Variants in CELF2 observed in about 807,000 individuals in gnomAD.
The protein encoded by CELF2 is CUG triplet repeat RNA-binding protein 2.
CELF2 carries 8 observed loss-of-function variants against 62.6 expected under a neutral mutation model. That is an observed-to-expected ratio of 0.13 (90% confidence interval 0.07 to 0.23). CELF2 has a LOEUF of 0.23. Ranked by LOEUF, CELF2 falls within the 10% of genes least tolerant of loss-of-function variation. The pLI, the probability that CELF2 is intolerant of heterozygous loss-of-function variation, is 1.00. For synonymous variants in CELF2, 258 were observed against 250.0 expected, an observed-to-expected ratio of 1.03 and a Z score of -0.30; for missense variants, 333 against 671.0, an observed-to-expected ratio of 0.50 and a Z score of 5.56.
intron 1 of CELF2, among the ~76,000 whole-genome samples, chr10:10,890,834 G>A (rs1317955467): frequency 1.3e-5 from 2 of 152,178 alleles, no homozygotes; most frequent in Admixed American, 1.3e-4. Context: ...GACCAACATG[G>A]TAAAACCCCT....
intron 4 of CELF2, among the ~76,000 whole-genome samples, chr10:11,253,022 C>A (rs902790831): frequency 6.6e-6 from 1 of 152,030 alleles, no homozygotes; most frequent in African/African-American, 2.4e-5. Context: ...TTGCTGTGCC[C>A]AACGAGGTAC....
chr10:11,257,716 A>G (rs369304610), intron 4 of CELF2, 22 bp from the exon 5 acceptor site: 3 of 1,610,788 alleles, frequency 1.9e-6, no homozygotes, highest in Non-Finnish European at 2.5e-6. Flanking sequence ...GCCTTTGCTC[A>G]TTCGTTATTT....
chr10:11,195,046 CCTCT>C (rs2057079843), intron 2 of CELF2, among the ~76,000 whole-genome samples: 1 of 152,152 alleles, frequency 6.6e-6, no homozygotes, highest in Admixed American at 6.5e-5. Context: ...AATGTCTTTC[CCTCT>C]ATGGTTGAGA....
chr10:10,599,388 A>G, the CELF2 span, among the ~76,000 whole-genome samples: 1 of 152,234 alleles, frequency 6.6e-6, no homozygotes, highest in Non-Finnish European at 1.5e-5. Context: ...AAAAGGAACC[A>G]GCAAAATGCT....
intron 2 of CELF2, among the ~76,000 whole-genome samples, chr10:11,202,075 T>C (rs1327131579): frequency 6.6e-6 from 1 of 152,168 alleles, no homozygotes; most frequent in Non-Finnish European, 1.5e-5. Context: ...CCTACCTGAA[T>C]TTTTCTTGGA....
intron 5 of CELF2, among the ~76,000 whole-genome samples, chr10:11,258,985 G>A (rs1330142158): frequency 6.6e-6 from 1 of 152,234 alleles, no homozygotes; most frequent in East Asian, 1.9e-4. Context: ...CACCCAGCCT[G>A]TGTTTTTCAC....
At chr10:10,815,904 G>GT (rs33926226) in intron 1 of CELF2, among the ~76,000 whole-genome samples, 61,709 of 132,458 alleles carry the variant, frequency 0.47, 14,361 homozygotes, top group African/African-American at 0.58. Context: ...GGTTTGGGTT[G>GT]TTTTTTTTTT....
intron 10 of CELF2, chr10:11,317,149 C>G (rs1403825875): frequency 6.6e-6 from 1 of 150,422 alleles, no homozygotes; most frequent in African/African-American, 2.5e-5. Context: ...AAATGGCTTA[C>G]CATATAGTGC....
the CELF2 span, among the ~76,000 whole-genome samples, chr10:10,734,597 A>G: frequency 3.8e-3 from 575 of 152,300 alleles, 1 homozygote; most frequent in African/African-American, 0.013. Context: ...GAAACAACTA[A>G]TTGCAACTCA....
chr10:11,185,138 G>T (rs776660758), intron 2 of CELF2, among the ~76,000 whole-genome samples: 1 of 151,832 alleles, frequency 6.6e-6, no homozygotes, highest in Non-Finnish European at 1.5e-5. Context: ...ATCATATCGG[G>T]TTTTTTGTCT....
chr10:10,680,420 T>C, the CELF2 span, among the ~76,000 whole-genome samples: 1 of 152,142 alleles, frequency 6.6e-6, no homozygotes, highest in Non-Finnish European at 1.5e-5. Context: ...TGGGGCAGGA[T>C]CCAGGACAGT....
chr10:11,272,042 A>T (rs1309162334), intron 7 of CELF2, among the ~76,000 whole-genome samples: 1 of 152,084 alleles, frequency 6.6e-6, no homozygotes, highest in East Asian at 1.9e-4. Context: ...GCTGCGGGTC[A>T]CCTTCATCTT....
At chr10:10,708,673 A>G in the CELF2 span, among the ~76,000 whole-genome samples, 1 of 152,172 alleles carries the variant, frequency 6.6e-6, no homozygotes, top group Non-Finnish European at 1.5e-5. Flanking sequence ...CTCTCTTTTT[A>G]TTAACAATAG....
At chr10:10,984,585 C>T (rs2052527999) in intron 2 of CELF2, among the ~76,000 whole-genome samples, 1 of 152,126 alleles carries the variant, frequency 6.6e-6, no homozygotes, top group African/African-American at 2.4e-5. Flanking sequence ...ACCTCAGTTG[C>T]ATGTACTCAA....
rs2096108461 is a variant in CELF2, at chr10:11,335,757, T to C, written c.*6704T>C. ...GGAGGCATGGGGGGTGATTAAATTA[T>C]CATTTCCAAGGTGCAAGTGTTTATT... On this transcript the variant is annotated 3_prime_UTR_variant, in exon 13 of 13. Transcript: ENST00000633077. This position sits in a 1 kb window ranked among gnomAD's most constrained non-coding sequence, Gnocchi z 5.0. 1 of 152,186 alleles carries C rather than the reference T, an allele frequency of 6.6e-6. No individual in the cohort carries two copies. The highest frequency in any genetic ancestry group is 2.4e-5 in the African/African-American group (1 of 41,432). The allele number at this position is 152,186 out of a possible 1,614,324, so 9.4% of individuals were successfully genotyped here.
At chr10:11,222,793 G>T (rs571974648) in intron 3 of CELF2, among the ~76,000 whole-genome samples, 19 of 152,202 alleles carry the variant, frequency 1.2e-4, no homozygotes, top group Non-Finnish European at 2.6e-4. Flanking sequence ...TCTAAAAAAA[G>T]ATAATTATGC....
rs1438533074 is a variant in CELF2 at position 11,012,709 on chromosome 10, G to C, written c.53+7269G>C. On this transcript the variant is annotated intron_variant, in intron 1 of 12. Transcript: ENST00000416382. The surrounding 1 kb of genome is among the most constrained non-coding windows in gnomAD (Gnocchi z 5.5). ...ACTTCTGACCAGTTGGGGAAAACATGTCGTCGGGGTGGGGGCAGTGAGGGG... is the reference window on the plus strand; with the variant it reads ...ACTTCTGACCAGTTGGGGAAAACATCTCGTCGGGGTGGGGGCAGTGAGGGG... 6.6e-6 allele frequency among the ~76,000 whole-genome samples: 1 copy of C among 152,146 alleles called. No homozygotes were observed. The highest frequency in any genetic ancestry group is 1.5e-5 in the Non-Finnish European group (1 of 68,026).
At position 11,083,268 on chromosome 10, in the gene CELF2, T is replaced by C. The variant is rs148276264; in HGVS notation, c.74+65105T>C. On this transcript the variant is annotated intron_variant, in intron 1 of 12. Coordinates refer to ENST00000633077, the MANE Select transcript of CELF2 (RefSeq NM_001326342.2). Reference sequence around the variant, plus strand: ...TTATCACTTTGACAGATGCTCATGATTGGGGACTGTGCCAACTGGTGAATT... The same window carrying C: ...TTATCACTTTGACAGATGCTCATGACTGGGGACTGTGCCAACTGGTGAATT... 7.2e-5 allele frequency among the ~76,000 whole-genome samples: 11 copies of C among 152,340 alleles called. No homozygotes were observed. In the East Asian group the frequency reaches 1.7e-3, roughly 24 times the overall value.
Position 10,995,615 on chromosome 10 carries a change from C to T in CELF2, c.89+75616C>T, listed in dbSNP as rs2053871828. On this transcript the variant is annotated intron_variant, in intron 2 of 13. Transcript: ENST00000636488. This position sits in a 1 kb window ranked among gnomAD's most constrained non-coding sequence, Gnocchi z 4.7. ...GGATCTCATGGGCATTATTATGTGG[C>T]TTGGACTTCATCTTAGGGTAGGGGA... is the stretch of plus-strand genomic sequence containing the variant. 6.6e-6 allele frequency among the ~76,000 whole-genome samples: 1 copy of T among 152,148 alleles called. No individual in the cohort carries two copies. Among genetic ancestry groups the T allele is most frequent in the South Asian group, 2.1e-4 (1 of 4,828 alleles).
Sources: allele counts gnomAD v4.1 joint callset (sites outside exome capture counted in the v4.1 genomes callset), GRCh38; gene constraint gnomAD v4.1.1; non-coding constraint Gnocchi (gnomAD v3.1); transcripts MANE v1.5; gene names NCBI Gene and HGNC (gene_info 2026-07-23, HGNC 2026-07-21).